Variants in KALRN observed in about 807,000 individuals in gnomAD.
The protein encoded by KALRN is kalirin RhoGEF kinase, also known as kalirin.
In KALRN, 70 loss-of-function variants were observed where a neutral mutation model predicts 353.7. The ratio of observed to expected loss-of-function variants is 0.20; its 90% CI spans 0.16 to 0.24. KALRN has a LOEUF of 0.24. Ranked by LOEUF, KALRN falls within the 10% of genes least tolerant of loss-of-function variation. The pLI is 1.00. For synonymous variants in KALRN, 1,391 were observed against 1,434.8 expected (o/e 0.97, Z 0.69); for missense variants, 2,791 against 3,756.7 (o/e 0.74, Z 6.72).
intron 1 of KALRN, among the ~76,000 whole-genome samples, chr3:124,098,409 TCTC>T (rs1185455723): frequency 6.6e-6 from 1 of 152,144 alleles, no homozygotes; most frequent in Non-Finnish European, 1.5e-5. Context: ...GTCTCCCTCT[TCTC>T]CTTCTGGCAT....
intron 1 of KALRN, among the ~76,000 whole-genome samples, chr3:124,143,553 G>C (rs1159030338): frequency 6.6e-6 from 1 of 152,180 alleles, no homozygotes; most frequent in African/African-American, 2.4e-5. Flanking sequence ...TTCATGGGTT[G>C]TAAGAATTGC....
intron 6 of KALRN, among the ~76,000 whole-genome samples, chr3:124,309,530 C>T (rs1227323511): frequency 6.6e-6 from 1 of 152,092 alleles, no homozygotes; most frequent in African/African-American, 2.4e-5. Flanking sequence ...TCATTGCACT[C>T]CAGCCTGGGG....
Position 124,221,982 on chromosome 3 carries a change from G to A in KALRN, c.74-6008G>A, listed in dbSNP as rs550570411. On this transcript the variant is annotated intron_variant, in intron 1 of 59. Transcript: ENST00000682506. ...ACCCCTCCTTTCTGTTTCCTGACCA[G>A]CATTTCCCCAGTGTTCAGGGCTTTG... 8.5e-5 allele frequency among the ~76,000 whole-genome samples: 13 copies of A among 152,296 alleles called. No individual in the cohort carries two copies. The South Asian group carries it at 2.5e-3, about 29-fold the overall frequency.
At chr3:124,408,290 A>G (rs574554274) in intron 13 of KALRN, among the ~76,000 whole-genome samples, 1 of 152,354 alleles carries the variant, frequency 6.6e-6, no homozygotes, top group African/African-American at 2.4e-5. Context: ...TAGAAGAAGA[A>G]GAAAACAAGA....
At chr3:124,661,242 G>C (rs987913770) in intron 44 of KALRN, among the ~76,000 whole-genome samples, 16 of 152,118 alleles carry the variant, frequency 1.1e-4, no homozygotes, top group African/African-American at 3.9e-4. Flanking sequence ...AGTGGGAAAG[G>C]GTAACCCCTT....
At chr3:124,140,164 C>T (rs972280882) in intron 1 of KALRN, among the ~76,000 whole-genome samples, 1 of 152,142 alleles carries the variant, frequency 6.6e-6, no homozygotes, top group African/African-American at 2.4e-5. Context: ...CCAAATATGG[C>T]CAATGATTCC....
chr3:124,280,476 T>C (rs2075235648), intron 5 of KALRN, among the ~76,000 whole-genome samples: 1 of 152,238 alleles, frequency 6.6e-6, no homozygotes, highest in Non-Finnish European at 1.5e-5. Context: ...GATAAAGTTC[T>C]GTGAGTTCTT....
intron 14 of KALRN, among the ~76,000 whole-genome samples, chr3:124,414,883 G>T (rs2092410351): frequency 6.6e-6 from 1 of 152,190 alleles, no homozygotes; most frequent in African/African-American, 2.4e-5. Context: ...TGAAGGATAT[G>T]GAAATCCTGA....
chr3:124,341,118 T>C (rs1338495581), intron 9 of KALRN, among the ~76,000 whole-genome samples: 1 of 152,216 alleles, frequency 6.6e-6, no homozygotes, highest in East Asian at 1.9e-4. Flanking sequence ...TTATGCATAA[T>C]GGCTGTTAAG....
chr3:124,241,094 C>T (rs1267013571), intron 3 of KALRN, among the ~76,000 whole-genome samples: 1 of 152,118 alleles, frequency 6.6e-6, no homozygotes, highest in African/African-American at 2.4e-5. Flanking sequence ...ATTTGACAAG[C>T]AGAACATCAC....
chr3:124,044,718 A>G (rs1051563221), intron 1 of KALRN, among the ~76,000 whole-genome samples: 33 of 152,008 alleles, frequency 2.2e-4, no homozygotes, highest in Non-Finnish European at 3.4e-4. Context: ...GTAATGTGGT[A>G]TTATATATTA....
At chr3:124,376,034 G>A (rs1166433400) in intron 10 of KALRN, among the ~76,000 whole-genome samples, 1 of 152,162 alleles carries the variant, frequency 6.6e-6, no homozygotes. Flanking sequence ...ATAGGAAAAG[G>A]TGCTAAAGCA....
intron 33 of KALRN, among the ~76,000 whole-genome samples, chr3:124,506,789 G>A (rs1274042231): frequency 6.6e-6 from 1 of 152,148 alleles, no homozygotes; most frequent in Non-Finnish European, 1.5e-5. Context: ...ACTGTTTGCT[G>A]TTCCTCATTT....
Position 124,060,216 on chromosome 3 carries a change from TA to T in KALRN, c.73+26407del, listed in dbSNP as rs532751768. On this transcript the variant is annotated intron_variant, in intron 1 of 59. Transcript: ENST00000682506. ...GGGTTAGGTCTTGGTCCACCAAACA[TA>T]AAATGAGCGGGAGGTGAATGCAGCA... Among the ~76,000 whole-genome samples, 11 of 152,186 alleles carry T rather than the reference TA, an allele frequency of 7.2e-5. No individual in the cohort carries two copies. In the East Asian group the frequency reaches 1.9e-3, roughly 27 times the overall value.
chr3:124,490,981 C>A, intron 30 of KALRN, 97 bp downstream of exon 30: 1 of 1,119,846 alleles, frequency 8.9e-7, no homozygotes, highest in Non-Finnish European at 1.3e-6. Flanking sequence ...TCCTCCCCGG[C>A]CTCCACACCA....
At chr3:124,612,308 A>T (rs957472942) in intron 34 of KALRN, among the ~76,000 whole-genome samples, 3 of 152,174 alleles carry the variant, frequency 2.0e-5, no homozygotes, top group African/African-American at 7.2e-5. Flanking sequence ...GATTCAAGCA[A>T]TTCTCCTGCC....
chr3:124,296,250 C>T (rs1014883626), intron 5 of KALRN, among the ~76,000 whole-genome samples: 1 of 152,174 alleles, frequency 6.6e-6, no homozygotes, highest in Non-Finnish European at 1.5e-5. Flanking sequence ...AAACTCAGCA[C>T]ATCTAAAACG....
At chr3:124,715,047 T>C (rs1407666395) in intron 58 of KALRN, among the ~76,000 whole-genome samples, 1 of 150,516 alleles carries the variant, frequency 6.6e-6, no homozygotes, top group Non-Finnish European at 1.5e-5. Context: ...GGGGAAAAGA[T>C]ATAGTTTTTG....
chr3:124,642,320 G>A (rs1467095398), intron 37 of KALRN, among the ~76,000 whole-genome samples: 2 of 151,876 alleles, frequency 1.3e-5, no homozygotes, highest in Non-Finnish European at 2.9e-5. Context: ...GAGAGAGAGA[G>A]AGATAGAAAA....
Sources: gnomAD v4.1 joint callset for allele counts (sites outside exome capture counted in the v4.1 genomes callset) on GRCh38, gnomAD v4.1.1 for gene constraint, MANE v1.5 for transcripts, NCBI Gene and HGNC (gene_info 2026-07-23, HGNC 2026-07-21) for gene names.